TP53I13: variants seen among roughly 807,000 people sequenced by gnomAD.
TP53I13 encodes tumor protein p53-inducible protein 13.
A neutral mutation model predicts 39.1 loss-of-function variants in TP53I13; 27 were observed. The observed-to-expected ratio is 0.69, with a 90% CI of 0.51 to 0.95. The LOEUF (loss-of-function observed/expected upper bound fraction) is 0.95. TP53I13 is among the 40% of genes least tolerant of loss of function. The pLI, the probability that TP53I13 is intolerant of heterozygous loss-of-function variation, is 0.00. For synonymous variants in TP53I13, 230 were observed against 224.6 expected, an observed-to-expected ratio of 1.02 and a Z score of -0.22; for missense variants, 544 against 520.4, an observed-to-expected ratio of 1.05 and a Z score of -0.44.
At chr17:29,579,238 C>T in the TP53I13 span, 1 of 552,078 alleles carries the variant, frequency 1.8e-6, no homozygotes, top group Non-Finnish European at 3.2e-6. Context: ...CCTCCCTCAC[C>T]CTCCAGTCCT....
chr17:29,568,469 G>C (rs944420001), upstream of TP53I13: 2 of 152,850 alleles, frequency 1.3e-5, no homozygotes, highest in Non-Finnish European at 2.9e-5. This position sits in a 1 kb window ranked among gnomAD's most constrained non-coding sequence, Gnocchi z 4.5. Flanking sequence ...CGAGGAAAGG[G>C]GCCCCCCGCC....
chr17:29,579,100 C>G, the TP53I13 span: 2 of 904,972 alleles, frequency 2.2e-6, no homozygotes, highest in East Asian at 2.4e-5. Context: ...TCCACGCACA[C>G]CCGGCCCAGA....
chr17:29,572,761 C>T (rs1460082694), intron 6 of TP53I13, 51 bp from the exon 7 acceptor site: 2 of 1,509,618 alleles, frequency 1.3e-6, no homozygotes, highest in Non-Finnish European at 1.8e-6. Flanking sequence ...CCGCCGCCCC[C>T]CGTAGCTTCC....
the TP53I13 span, chr17:29,582,262 C>T: frequency 3.9e-5 from 28 of 716,894 alleles, no homozygotes; most frequent in African/African-American, 4.0e-4. Context: ...CCTGCCCAAA[C>T]CAGACTATGT....
At chr17:29,574,598 A>T, downstream of TP53I13, 1 of 987,416 alleles carries the variant, frequency 1.0e-6, no homozygotes, top group South Asian at 1.3e-5. Flanking sequence ...CACTAAGGGC[A>T]CTTGTGCCAG....
the TP53I13 span, chr17:29,578,815 G>A: frequency 1.2e-6 from 2 of 1,602,636 alleles, no homozygotes; most frequent in Non-Finnish European, 1.7e-6. Context: ...GGGAGGAGAG[G>A]AGAGACCTGA....
upstream of TP53I13, chr17:29,566,511 G>C (rs377023342): frequency 1.2e-6 from 2 of 1,610,602 alleles, no homozygotes; most frequent in Non-Finnish European, 1.7e-6. Flanking sequence ...GGCCCCCGGC[G>C]CTGGTGATCC....
the TP53I13 span, chr17:29,581,290 A>C: frequency 6.7e-7 from 1 of 1,483,180 alleles, no homozygotes; most frequent in Non-Finnish European, 9.4e-7. This position sits in a 1 kb window ranked among gnomAD's most constrained non-coding sequence, Gnocchi z 4.8. Context: ...TCAGCCACCC[A>C]CATGGCATCC....
chr17:29,566,417 G>T (rs942606917), upstream of TP53I13: 5 of 1,612,000 alleles, frequency 3.1e-6, no homozygotes, highest in Admixed American at 1.7e-5. Context: ...TAGTAGCCGC[G>T]CTCCAGGGCG....
At chr17:29,581,325 G>A in the TP53I13 span, 1 of 1,604,818 alleles carries the variant, frequency 6.2e-7, no homozygotes. The surrounding 1 kb of genome is among the most constrained non-coding windows in gnomAD (Gnocchi z 4.8). Context: ...AGGGGCATCA[G>A]GTGGGCACTC....
chr17:29,579,546 G>A, the TP53I13 span, among the ~76,000 whole-genome samples: 2 of 152,118 alleles, frequency 1.3e-5, no homozygotes, highest in Non-Finnish European at 2.9e-5. Flanking sequence ...AGGAGGTGGA[G>A]ACCAGCCTGG....
downstream of TP53I13, chr17:29,577,763 C>G: frequency 6.7e-7 from 1 of 1,494,584 alleles, no homozygotes; most frequent in East Asian, 2.3e-5. Context: ...CGGACAGGAG[C>G]AGATCAGCCA....
the TP53I13 span, chr17:29,581,735 T>A: frequency 1.9e-6 from 3 of 1,607,050 alleles, no homozygotes; most frequent in Non-Finnish European, 2.5e-6. This position sits in a 1 kb window ranked among gnomAD's most constrained non-coding sequence, Gnocchi z 4.8. Flanking sequence ...CCCCAAGCTC[T>A]GCTCACCCGG....
intron 5 of TP53I13, 26 bp from the exon 6 acceptor site, chr17:29,572,116 G>A (rs200636117): frequency 6.2e-7 from 1 of 1,610,310 alleles, no homozygotes; most frequent in South Asian, 1.1e-5. Context: ...GGGCAGCAGG[G>A]TGATTGCTCT....
At chr17:29,568,648 CGCGCGGGCG>C (rs1162190342), upstream of TP53I13, 91 of 642,024 alleles carry the variant, frequency 1.4e-4, no homozygotes, top group African/African-American at 1.5e-3. This position sits in a 1 kb window ranked among gnomAD's most constrained non-coding sequence, Gnocchi z 4.5. Context: ...GGCCAACGGA[CGCGCGGGCG>C]GCGCGGGCGG....
the TP53I13 span, chr17:29,582,112 C>T: frequency 1.9e-6 from 3 of 1,596,572 alleles, no homozygotes; most frequent in South Asian, 1.1e-5. Flanking sequence ...GACATGTCTC[C>T]AGGTTGCCTG....
chr17:29,581,471 AC>A, the TP53I13 span: 1 of 1,039,220 alleles, frequency 9.6e-7, no homozygotes, highest in Non-Finnish European at 1.5e-6. The surrounding 1 kb of genome is among the most constrained non-coding windows in gnomAD (Gnocchi z 4.8). Context: ...CAGGGCTGGC[AC>A]CCAGAAGTGT....
At chr17:29,566,639 A>G, upstream of TP53I13, 1 of 1,606,796 alleles carries the variant, frequency 6.2e-7, no homozygotes, top group Non-Finnish European at 8.5e-7. Flanking sequence ...ACGAAGTGGC[A>G]GAGGGTCTGC....
the TP53I13 span, chr17:29,581,561 C>T: frequency 4.3e-6 from 3 of 700,636 alleles, no homozygotes; most frequent in South Asian, 3.3e-5. This position sits in a 1 kb window ranked among gnomAD's most constrained non-coding sequence, Gnocchi z 4.8. Flanking sequence ...CACCCCCACT[C>T]CCTAGCCCCA....
Sources: gnomAD v4.1 joint callset for allele counts (sites outside exome capture counted in the v4.1 genomes callset) on GRCh38, gnomAD v4.1.1 for gene constraint, Gnocchi (gnomAD v3.1) non-coding constraint, MANE v1.5 for transcripts, NCBI Gene and HGNC (gene_info 2026-07-23, HGNC 2026-07-21) for gene names.